Variants in PRKG1 observed in about 807,000 individuals in gnomAD.
PRKG1 encodes cGMP-dependent protein kinase 1.
PRKG1 carries 35 observed loss-of-function variants against 88.1 expected under a neutral mutation model. The ratio of observed to expected loss-of-function variants is 0.40; its 90% CI spans 0.30 to 0.53. The LOEUF (loss-of-function observed/expected upper bound fraction) is 0.53. Ranked by LOEUF, PRKG1 falls within the 20% of genes least tolerant of loss-of-function variation. The pLI is 0.59. For synonymous variants in PRKG1, 303 were observed against 292.5 expected (o/e 1.04, Z -0.37); for missense variants, 540 against 839.8 (o/e 0.64, Z 4.41).
intron 1 of PRKG1, among the ~76,000 whole-genome samples, chr10:51,142,257 A>G (rs531833155): frequency 7.9e-5 from 12 of 152,266 alleles, no homozygotes; most frequent in African/African-American, 2.9e-4. Flanking sequence ...TAAAACCCAT[A>G]AAGCATGCTC....
chr10:51,688,867 C>G (rs899263950), intron 3 of PRKG1, among the ~76,000 whole-genome samples: 1 of 152,158 alleles, frequency 6.6e-6, no homozygotes, highest in Non-Finnish European at 1.5e-5. Context: ...TGTGTCCCCA[C>G]TCAAATCTCA....
intron 2 of PRKG1, among the ~76,000 whole-genome samples, chr10:51,227,607 A>G (rs1838727334): frequency 6.6e-6 from 1 of 152,206 alleles, no homozygotes; most frequent in Non-Finnish European, 1.5e-5. Flanking sequence ...TTGTATCCCA[A>G]ATGCCTGGTG....
chr10:52,249,330 G>A (rs1174736016), intron 9 of PRKG1, among the ~76,000 whole-genome samples: 1 of 151,454 alleles, frequency 6.6e-6, no homozygotes, highest in Non-Finnish European at 1.5e-5. Context: ...AACTTCCTGA[G>A]GCTTTCAGAA....
chr10:51,838,288 GTTGTTTTGTTT>G (rs1840181184), intron 4 of PRKG1, among the ~76,000 whole-genome samples: 1 of 152,030 alleles, frequency 6.6e-6, no homozygotes, highest in South Asian at 2.1e-4. Context: ...GTTATTTGTG[GTTGTTTTGTTT>G]TTGTTTTGTT....
chr10:51,699,679 G>A, intron 3 of PRKG1: 1 of 1,044,314 alleles, frequency 9.6e-7, no homozygotes, highest in Non-Finnish European at 1.4e-6. Context: ...CGCTTGAATC[G>A]TTCCGCTTGC....
intron 9 of PRKG1, among the ~76,000 whole-genome samples, chr10:52,218,010 A>C (rs1262128172): frequency 2.6e-5 from 4 of 151,796 alleles, no homozygotes; most frequent in African/African-American, 9.7e-5. Context: ...TCAGGAGTTC[A>C]AGACCAGCCT....
At position 51,226,873 on chromosome 10, in the gene PRKG1, T is replaced by C. The variant is rs559576217; in HGVS notation, c.478+73543T>C. ...AATAAATTACTAAGATTTATAGTAG[T>C]CTGAAACTGAAATTGAGAATTTTTC... On this transcript the variant is annotated intron_variant, in intron 2 of 17. Coordinates refer to ENST00000373980, the MANE Select transcript of PRKG1 (RefSeq NM_006258.4). Among the ~76,000 whole-genome samples, 3 of 152,216 alleles carry C rather than the reference T, an allele frequency of 2.0e-5. No homozygotes were observed. The South Asian group carries it at 6.2e-4, about 32-fold the overall frequency.
upstream of PRKG1, chr10:51,074,243 A>C: frequency 1.8e-5 from 4 of 224,246 alleles, no homozygotes; most frequent in East Asian, 1.0e-4. Flanking sequence ...CGGAGCCCCC[A>C]TTCACGTCCC....
chr10:51,982,274 G>T (rs1451663364), intron 5 of PRKG1, among the ~76,000 whole-genome samples: 1 of 152,212 alleles, frequency 6.6e-6, no homozygotes, highest in South Asian at 2.1e-4. Flanking sequence ...GCATCTCAAT[G>T]ATGTTCATTC....
intron 5 of PRKG1, among the ~76,000 whole-genome samples, chr10:52,019,494 G>A (rs1206838907): frequency 6.6e-6 from 1 of 152,166 alleles, no homozygotes; most frequent in Admixed American, 6.5e-5. Context: ...GTTTTTGAAA[G>A]TAACTTTTCC....
intron 1 of PRKG1, among the ~76,000 whole-genome samples, chr10:51,137,872 G>A (rs1449687691): frequency 6.6e-6 from 1 of 152,172 alleles, no homozygotes; most frequent in African/African-American, 2.4e-5. Flanking sequence ...CTGAAATAAA[G>A]CTTTGGTTAA....
At chr10:51,082,429 C>T (rs1844136183) in intron 1 of PRKG1, among the ~76,000 whole-genome samples, 1 of 152,158 alleles carries the variant, frequency 6.6e-6, no homozygotes, top group Non-Finnish European at 1.5e-5. Context: ...ACATGGGGAA[C>T]ATAAAAATCC....
At chr10:51,142,816 G>T (rs1454772451) in intron 1 of PRKG1, among the ~76,000 whole-genome samples, 1 of 152,040 alleles carries the variant, frequency 6.6e-6, no homozygotes, top group Non-Finnish European at 1.5e-5. Context: ...GTAGATAAAA[G>T]TCATATTATC....
chr10:51,965,544 ATATTCTGTTTCAG>A, intron 5 of PRKG1, among the ~76,000 whole-genome samples: 1 of 152,330 alleles, frequency 6.6e-6, no homozygotes, highest in East Asian at 1.9e-4. Flanking sequence ...TGATACATTT[ATATTCTGTTTCAG>A]AATATAACAA....
At chr10:51,211,571 C>T (rs187496937) in intron 2 of PRKG1, among the ~76,000 whole-genome samples, 3,126 of 152,110 alleles carry the variant, frequency 0.021, 47 homozygotes, top group Middle Eastern at 0.051. Context: ...AAAACCCCAT[C>T]GTCTCAGCCT....
At chr10:51,091,932 G>T (rs1589146174) in intron 1 of PRKG1, among the ~76,000 whole-genome samples, 1 of 152,264 alleles carries the variant, frequency 6.6e-6, no homozygotes, top group Non-Finnish European at 1.5e-5. Context: ...TACTAAGAAT[G>T]ATTAATCTTG....
intron 2 of PRKG1, among the ~76,000 whole-genome samples, chr10:51,302,166 C>T (rs1316267047): frequency 6.6e-6 from 1 of 152,202 alleles, no homozygotes; most frequent in Non-Finnish European, 1.5e-5. Flanking sequence ...AGGAGCACTA[C>T]TAGGGGTTTA....
chr10:51,165,169 AG>A (rs1326040429), intron 2 of PRKG1, among the ~76,000 whole-genome samples: 3 of 152,226 alleles, frequency 2.0e-5, no homozygotes, highest in African/African-American at 7.2e-5. Flanking sequence ...TTACCCACAA[AG>A]GGAAGCCCAT....
chr10:52,106,052 T>C (rs1847413967), intron 7 of PRKG1, among the ~76,000 whole-genome samples: 1 of 152,224 alleles, frequency 6.6e-6, no homozygotes, highest in Admixed American at 6.5e-5. Context: ...CTCCTGCTTC[T>C]ATGTGAGAAC....
Sources: allele counts gnomAD v4.1 joint callset (sites outside exome capture counted in the v4.1 genomes callset), GRCh38; gene constraint gnomAD v4.1.1; transcripts MANE v1.5; gene names NCBI Gene and HGNC (gene_info 2026-07-23, HGNC 2026-07-21).